Variants in FXR1 observed in about 807,000 individuals in gnomAD.
FXR1 encodes RNA-binding protein FXR1.
Under a neutral mutation model 84.0 loss-of-function variants are expected in FXR1, and 15 were observed. That is an observed-to-expected ratio of 0.18 (90% CI 0.12 to 0.27). FXR1 has a LOEUF of 0.27. Ranked by LOEUF, FXR1 falls within the 10% of genes least tolerant of loss-of-function variation. The probability of loss-of-function intolerance (pLI) is 1.00; values close to 1 mark genes in which losing one functional copy is unlikely to be tolerated. For synonymous variants in FXR1, 245 were observed against 250.7 expected (o/e 0.98, Z 0.21); for missense variants, 480 against 774.4 (o/e 0.62, Z 4.51).
chr3:180,965,459 T>G (rs1712700523), intron 13 of FXR1, among the ~76,000 whole-genome samples: 1 of 151,588 alleles, frequency 6.6e-6, no homozygotes, highest in African/African-American at 2.4e-5. Context: ...TATCACAAAC[T>G]TAGAGGCTTG....
intron 12 of FXR1, 29 bp downstream of exon 12, chr3:180,962,969 A>G: frequency 6.2e-7 from 1 of 1,610,702 alleles, no homozygotes; most frequent in Non-Finnish European, 8.5e-7. Context: ...CTTCCACCAG[A>G]GGGCCTGAAA....
intron 11 of FXR1, among the ~76,000 whole-genome samples, chr3:180,962,385 A>T (rs1331868502): frequency 6.6e-6 from 1 of 152,206 alleles, no homozygotes; most frequent in South Asian, 2.1e-4. Flanking sequence ...TTCTCTAGAC[A>T]TCTAACCTTT....
At chr3:180,946,788 C>T (rs1721737805) in intron 3 of FXR1, among the ~76,000 whole-genome samples, 1 of 152,170 alleles carries the variant, frequency 6.6e-6, no homozygotes, top group African/African-American at 2.4e-5. Flanking sequence ...TTGTGTTTAT[C>T]TCCCAGATGG....
intron 1 of FXR1, chr3:180,927,569 GT>G: frequency 1.2e-5 from 7 of 580,982 alleles, no homozygotes; most frequent in Non-Finnish European, 2.1e-5. Context: ...GAAACTTTTT[GT>G]TTTTCAGCTA....
At chr3:180,934,989 C>G in intron 2 of FXR1, 149 bp from the exon 3 acceptor site, 1 of 522,488 alleles carries the variant, frequency 1.9e-6, no homozygotes, top group Non-Finnish European at 3.5e-6. Context: ...ACTTCAGTAA[C>G]TAATTTCTTG....
At chr3:180,944,114 C>G (rs1721431409) in intron 3 of FXR1, among the ~76,000 whole-genome samples, 1 of 151,532 alleles carries the variant, frequency 6.6e-6, no homozygotes, top group Non-Finnish European at 1.5e-5. Context: ...CAGGGTTTCT[C>G]CATGTTGAGG....
At chr3:180,914,732 C>T (rs531862094) in intron 1 of FXR1, 3 of 832,034 alleles carry the variant, frequency 3.6e-6, no homozygotes, top group African/African-American at 1.8e-5. Context: ...CTACAATCTA[C>T]TGCTTGTTTC....
intron 13 of FXR1, 66 bp from the exon 14 acceptor site, chr3:180,967,985 A>T: frequency 9.9e-7 from 1 of 1,005,504 alleles, no homozygotes; most frequent in East Asian, 2.4e-5. Flanking sequence ...TGTAGGACAT[A>T]ATTTTGAACA....
rs1714302871 is a variant in FXR1, at chr3:180,977,010, ATT to A, written c.*720_*721del. 2 of 152,490 alleles carry A rather than the reference ATT, an allele frequency of 1.3e-5. No individual in the cohort carries two copies. The highest frequency in any genetic ancestry group is 1.3e-4 in the Admixed American group (2 of 15,266). 9.4% of individuals were successfully genotyped at this position (152,490 alleles called of 1,614,324 possible). ...ATAACCTGAACTACTGAAAAGATCA[ATT>A]TCCAGAAGGTTTATTCTGTATAAAC... On this transcript the variant is annotated 3_prime_UTR_variant, in exon 17 of 17. Transcript: ENST00000357559.
rs1338687837 is a variant in FXR1 at position 180,978,198 on chromosome 3, A to C, written c.*1906A>C. ...ATATGGTGTAAAAAAAAAAAAAAAG[A>C]CTTTTCATTTTCTCCCACATAGAAT... On this transcript the variant is annotated 3_prime_UTR_variant, in exon 17 of 17. Transcript: ENST00000357559. The C allele has an allele frequency of 6.7e-6, 1 of 149,312 alleles. No individual in the cohort carries two copies. Among genetic ancestry groups the C allele is most frequent in the Non-Finnish European group, 1.5e-5 (1 of 67,526 alleles). The allele number at this position is 149,312 out of a possible 1,614,324, so 9.2% of individuals were successfully genotyped here. A position where few individuals can be genotyped will look rare whatever the true frequency, so the allele number is the denominator to read the frequency against.
chr3:180,927,791 A>G (rs1356249863), intron 1 of FXR1: 1 of 426,664 alleles, frequency 2.3e-6, no homozygotes. Context: ...GTATATTATT[A>G]AAATTACATT....
At chr3:180,941,546 A>G (rs866977910) in intron 3 of FXR1, among the ~76,000 whole-genome samples, 1 of 152,108 alleles carries the variant, frequency 6.6e-6, no homozygotes, top group Non-Finnish European at 1.5e-5. Flanking sequence ...AAAAAGTTTT[A>G]AGTTTGATTC....
chr3:180,931,831 C>G (rs1160578292), intron 1 of FXR1, among the ~76,000 whole-genome samples: 9 of 148,920 alleles, frequency 6.0e-5, no homozygotes, highest in Admixed American at 2.0e-4. Flanking sequence ...ACCTCTGCCT[C>G]CCAGGCTCAA....
intron 13 of FXR1, among the ~76,000 whole-genome samples, chr3:180,963,928 C>T (rs1320772800): frequency 6.6e-6 from 1 of 152,108 alleles, no homozygotes; most frequent in Non-Finnish European, 1.5e-5. Flanking sequence ...CCTATACTTA[C>T]TCCCTTTTGA....
intron 1 of FXR1, chr3:180,927,805 T>A: frequency 2.3e-6 from 1 of 429,528 alleles, no homozygotes; most frequent in Non-Finnish European, 4.1e-6. Flanking sequence ...TTACATTTTT[T>A]CCTGTGAATT....
rs546687001 is a variant in FXR1, at chr3:180,915,490, G to GT, written c.51+2761dup. The GT allele has an allele frequency of 7.4e-5, 110 of 1,483,372 alleles. 1 individual carries two copies. In the South Asian group the frequency reaches 1.0e-3, roughly 14 times the overall value. 91.9% of individuals were successfully genotyped at this position (1,483,372 alleles called of 1,614,324 possible). ...CGTAGAAGCAATTTAATTTTAATTA[G>GT]TTTTTTTCCAATTTAGAAGATAATA... On this transcript the variant is annotated intron_variant, in intron 1 of 16. Coordinates refer to ENST00000357559, the MANE Select transcript of FXR1 (RefSeq NM_005087.4).
chr3:180,974,899 TATATC>T lies in FXR1; in HGVS notation c.1604-410_1604-406del, dbSNP rs146188510. Among the ~76,000 whole-genome samples the T allele has an allele frequency of 6.7e-3, 1,026 of 152,100 alleles. 7 individuals carry two copies. Among genetic ancestry groups the T allele is most frequent in the Admixed American group, 0.013 (193 of 15,246 alleles). On this transcript the variant is annotated intron_variant, in intron 15 of 16. Transcript: ENST00000357559. ...TGTATCTGAAATTTTCAAATTTAAG[TATATC>T]ATACTGTGATTTGGACCAAATTTGC...
Position 180,962,931 on chromosome 3 carries a change from C to A in FXR1, c.1126C>A (p.Arg376=). 1 of 1,613,008 alleles carries A rather than the reference C, an allele frequency of 6.2e-7. No individual in the cohort carries two copies. The highest frequency in any genetic ancestry group is 8.5e-7 in the Non-Finnish European group (1 of 1,179,156). Reference sequence around the variant, plus strand: ...ACGCCTACAGATTGATGAACAGCTGCGACAGATTGGTATGGGTTTCAGACC... The same window carrying A: ...ACGCCTACAGATTGATGAACAGCTGAGACAGATTGGTATGGGTTTCAGACC... ...MERLQIDEQL[R]QIGSRSYSGR... Residue 376 remains arginine, a synonymous_variant, in exon 12 of 17, where the codon CGA becomes AGA. Transcript: ENST00000357559.
At chr3:180,944,771 T>C (rs1486930536) in intron 3 of FXR1, among the ~76,000 whole-genome samples, 2 of 152,198 alleles carry the variant, frequency 1.3e-5, no homozygotes, top group Non-Finnish European at 2.9e-5. Context: ...TACAGGCACA[T>C]GCCACCATGC....
Sources: gnomAD v4.1 joint callset for allele counts (sites outside exome capture counted in the v4.1 genomes callset) on GRCh38, gnomAD v4.1.1 for gene constraint, MANE v1.5 for transcripts, NCBI Gene and HGNC (gene_info 2026-07-23, HGNC 2026-07-21) for gene names.